The following PIBF1 variants were observed in gnomAD, a reference collection of about 807,000 sequenced individuals.
PIBF1 encodes progesterone-induced-blocking factor 1.
A neutral mutation model predicts 112.5 loss-of-function variants in PIBF1; 90 were observed. That is an observed-to-expected ratio of 0.80 (90% CI 0.67 to 0.95). The LOEUF is 0.95. Ranked by LOEUF, PIBF1 falls within the 40% of genes least tolerant of loss-of-function variation. The pLI is 0.00. For missense variants in PIBF1, 915 were observed against 852.3 expected (o/e 1.07, Z -0.92); for synonymous variants, 301 against 288.6 (o/e 1.04, Z -0.44).
chr13:72,881,722 A>G (rs900149355), intron 10 of PIBF1, among the ~76,000 whole-genome samples: 6 of 150,760 alleles, frequency 4.0e-5, no homozygotes, highest in Admixed American at 3.9e-4. Context: ...TCTTGAAAAA[A>G]AAAAAAAAAA....
intron 16 of PIBF1, among the ~76,000 whole-genome samples, chr13:72,980,153 CAAGA>C (rs1457136174): frequency 6.6e-6 from 1 of 151,716 alleles, no homozygotes; most frequent in Non-Finnish European, 1.5e-5. Context: ...TTCTTGTGCC[CAAGA>C]AAGAGAATTC....
intron 2 of PIBF1, among the ~76,000 whole-genome samples, chr13:72,784,303 A>G (rs2034474726): frequency 6.9e-6 from 1 of 145,074 alleles, no homozygotes; most frequent in African/African-American, 2.5e-5. Context: ...AAAATTAGCC[A>G]GCCATGATGG....
At position 73,014,797 on chromosome 13, in the gene PIBF1, G is replaced by A. The variant is rs114853844; in HGVS notation, c.2224-1072G>A. Among the ~76,000 whole-genome samples the A allele has an allele frequency of 8.2e-3, 1,247 of 151,870 alleles. 15 individuals are homozygous for A. Among genetic ancestry groups the A allele is most frequent in the African/African-American group, 0.028 (1,158 of 41,398 alleles). On this transcript the variant is annotated intron_variant, in intron 17 of 17. Coordinates refer to ENST00000326291, the MANE Select transcript of PIBF1 (RefSeq NM_006346.4). The stretch of plus-strand genomic sequence containing the variant: ...CCGCCTTGACCTCCTGGGCCCAAGT[G>A]ATTTTTTTTTACATGATGTCTTGCT...
At chr13:72,879,826 A>G (rs771695722) in intron 10 of PIBF1, among the ~76,000 whole-genome samples, 8 of 152,250 alleles carry the variant, frequency 5.3e-5, no homozygotes, top group Non-Finnish European at 1.0e-4. Flanking sequence ...ATATTTAATG[A>G]CACATGAAAA....
chr13:72,931,216 T>G lies in PIBF1; in HGVS notation c.1782T>G (p.Ile594Met). ...VLQLEKQNSL[I>M]LKDLEHRKDQ... ...AATTAGAAAAACAAAACTCGCTGATTTTAAAAGATCTGGAACATCGAAAGG... is the reference window on the plus strand; with the variant it reads ...AATTAGAAAAACAAAACTCGCTGATGTTAAAAGATCTGGAACATCGAAAGG... The change falls in exon 14 of 18, where the codon ATT (isoleucine) becomes ATG (methionine). Residue 594 changes from isoleucine to methionine, a missense_variant. Transcript: ENST00000326291. The G allele has an allele frequency of 1.9e-6, 3 of 1,613,292 alleles. No individual in the cohort carries two copies. The highest frequency in any genetic ancestry group is 2.5e-6 in the Non-Finnish European group (3 of 1,179,570).
chr13:72,993,639 G>A lies in PIBF1; in HGVS notation c.2050-5183G>A, dbSNP rs1280870586. ...CGGGCGCCTGTAGTCCCAGCTACTCGGGAGGCTGAGGCAGGGGAATGGCGT... is the reference window on the plus strand; with the variant it reads ...CGGGCGCCTGTAGTCCCAGCTACTCAGGAGGCTGAGGCAGGGGAATGGCGT... On this transcript the variant is annotated intron_variant, in intron 16 of 17. Transcript: ENST00000326291. 5.9e-5 allele frequency among the ~76,000 whole-genome samples: 9 copies of A among 151,406 alleles called. No homozygotes were observed. In the East Asian group the frequency reaches 9.8e-4, roughly 16 times the overall value.
intron 16 of PIBF1, among the ~76,000 whole-genome samples, chr13:72,978,359 A>G (rs929141363): frequency 4.6e-5 from 7 of 152,220 alleles, no homozygotes; most frequent in African/African-American, 1.7e-4. Context: ...ACTGATGCTG[A>G]TAAGAGTTAA....
At chr13:72,894,772 A>AGTGTGTGT (rs35885902) in intron 11 of PIBF1, among the ~76,000 whole-genome samples, 176 of 137,202 alleles carry the variant, frequency 1.3e-3, no homozygotes, top group East Asian at 6.1e-3. Context: ...ATATATATAT[A>AGTGTGTGT]GTGTGTGTGT....
chr13:72,951,115 T>G (rs1436016071), intron 14 of PIBF1, among the ~76,000 whole-genome samples: 1 of 152,230 alleles, frequency 6.6e-6, no homozygotes, highest in Non-Finnish European at 1.5e-5. Flanking sequence ...TTAGTCACAT[T>G]TATTTATCAT....
At chr13:72,841,960 T>C (rs2037629423) in intron 9 of PIBF1, among the ~76,000 whole-genome samples, 1 of 152,174 alleles carries the variant, frequency 6.6e-6, no homozygotes, top group East Asian at 1.9e-4. Flanking sequence ...AAAATCACCA[T>C]TATATAAAAG....
intron 14 of PIBF1, among the ~76,000 whole-genome samples, chr13:72,934,989 G>A (rs1038486384): frequency 6.6e-6 from 1 of 151,786 alleles, no homozygotes; most frequent in Non-Finnish European, 1.5e-5. Flanking sequence ...CTGTTTGTTT[G>A]TTTGTTTGTT....
intron 17 of PIBF1, among the ~76,000 whole-genome samples, chr13:73,010,510 G>A (rs1594365153): frequency 6.6e-6 from 1 of 152,164 alleles, no homozygotes; most frequent in African/African-American, 2.4e-5. Flanking sequence ...GGCTGAGGCA[G>A]GAGAATTGCT....
chr13:72,944,875 T>C lies in PIBF1; in HGVS notation c.1833+13608T>C, dbSNP rs145608997. On this transcript the variant is annotated intron_variant, in intron 14 of 17. Transcript: ENST00000326291. The stretch of plus-strand genomic sequence containing the variant: ...TCTGCCTCCCTGGTTCAAGCGATTC[T>C]CCTGCCTCAGCCTCCTGAGTAGCTG... Among the ~76,000 whole-genome samples the C allele has an allele frequency of 9.4e-3, 1,432 of 152,250 alleles. 13 individuals are homozygous for C. Among genetic ancestry groups the C allele is most frequent in the Non-Finnish European group, 0.015 (1,033 of 68,018 alleles).
intron 16 of PIBF1, among the ~76,000 whole-genome samples, chr13:72,985,371 CAAAAA>C (rs67195605): frequency 2.6e-5 from 2 of 76,284 alleles, no homozygotes; most frequent in African/African-American, 1.1e-4. Context: ...ACTAAAAATA[CAAAAA>C]AAAAAAAAAA....
At chr13:72,851,185 C>A (rs1173973130) in intron 9 of PIBF1, among the ~76,000 whole-genome samples, 2 of 152,224 alleles carry the variant, frequency 1.3e-5, no homozygotes, top group African/African-American at 4.8e-5. Flanking sequence ...ACCCAGACCC[C>A]TTCCGAGTTG....
At chr13:72,832,765 A>G (rs1027366585) in intron 8 of PIBF1, among the ~76,000 whole-genome samples, 1 of 152,236 alleles carries the variant, frequency 6.6e-6, no homozygotes, top group Non-Finnish European at 1.5e-5. Context: ...GCTCTTCTCA[A>G]CAAGTATCTT....
intron 17 of PIBF1, among the ~76,000 whole-genome samples, chr13:73,005,238 C>CT (rs2043995034): frequency 6.6e-6 from 1 of 150,700 alleles, no homozygotes; most frequent in Admixed American, 6.6e-5. Flanking sequence ...CCACAATCTT[C>CT]TTTTTAAAAA....
intron 17 of PIBF1, among the ~76,000 whole-genome samples, chr13:73,007,887 G>T (rs559773197): frequency 6.6e-6 from 1 of 151,968 alleles, no homozygotes; most frequent in East Asian, 1.9e-4. Flanking sequence ...ATAGTTTACT[G>T]ATCCATGATC....
At chr13:72,934,077 A>G (rs1242260862) in intron 14 of PIBF1, among the ~76,000 whole-genome samples, 1 of 152,214 alleles carries the variant, frequency 6.6e-6, no homozygotes, top group Non-Finnish European at 1.5e-5. Context: ...CAACTTCAGT[A>G]TATAACTTTT....
Sources: gnomAD v4.1 joint callset for allele counts (sites outside exome capture counted in the v4.1 genomes callset) on GRCh38, gnomAD v4.1.1 for gene constraint, MANE v1.5 for transcripts, NCBI Gene and HGNC (gene_info 2026-07-23, HGNC 2026-07-21) for gene names.